RUNX2: variants seen among roughly 807,000 people sequenced by gnomAD.
The protein encoded by RUNX2 is RUNX family transcription factor 2, also known as runt-related transcription factor 2.
A neutral mutation model predicts 51.7 loss-of-function variants in RUNX2; 10 were observed. That is an observed-to-expected ratio of 0.19 (90% CI 0.12 to 0.33). The LOEUF (loss-of-function observed/expected upper bound fraction) is 0.33. Ranked by LOEUF, RUNX2 falls within the 10% of genes least tolerant of loss-of-function variation. The pLI, the probability that RUNX2 is intolerant of heterozygous loss-of-function variation, is 1.00. For synonymous variants in RUNX2, 276 were observed against 273.6 expected (o/e 1.01, Z -0.09); for missense variants, 562 against 691.3 (o/e 0.81, Z 2.10).
intron 2 of RUNX2, among the ~76,000 whole-genome samples, chr6:45,394,552 G>A (rs151015415): frequency 6.6e-6 from 1 of 152,290 alleles, no homozygotes; most frequent in Admixed American, 6.5e-5. Flanking sequence ...AAGCACAGGA[G>A]CAGAGGAAGT....
chr6:45,357,303 G>A (rs901003601), intron 2 of RUNX2, among the ~76,000 whole-genome samples: 40 of 151,804 alleles, frequency 2.6e-4, no homozygotes, highest in Admixed American at 8.5e-4. Flanking sequence ...CACTGTGCCC[G>A]GTCAAGAATC....
intron 6 of RUNX2, among the ~76,000 whole-genome samples, chr6:45,500,583 A>G (rs1800775147): frequency 6.6e-6 from 1 of 152,180 alleles, no homozygotes; most frequent in African/African-American, 2.4e-5. Context: ...AACCTGACAG[A>G]TAGTTTTAGG....
At chr6:45,431,371 T>C (rs1798537451) in intron 3 of RUNX2, among the ~76,000 whole-genome samples, 2 of 152,204 alleles carry the variant, frequency 1.3e-5, no homozygotes, top group South Asian at 4.1e-4. Flanking sequence ...ATCTAGGCTC[T>C]ATGTAGTGAG....
intron 2 of RUNX2, among the ~76,000 whole-genome samples, chr6:45,334,766 A>T (rs1372518839): frequency 6.8e-6 from 1 of 148,146 alleles, no homozygotes. Flanking sequence ...ACCAGGAAAA[A>T]AATTGTAAAT....
At chr6:45,349,604 T>G (rs1485717685) in intron 2 of RUNX2, among the ~76,000 whole-genome samples, 1 of 152,212 alleles carries the variant, frequency 6.6e-6, no homozygotes, top group Non-Finnish European at 1.5e-5. Context: ...TAATGCACAC[T>G]AAGGTTTGGG....
intron 2 of RUNX2, among the ~76,000 whole-genome samples, chr6:45,345,428 T>C (rs552443829): frequency 6.6e-6 from 1 of 152,334 alleles, no homozygotes. Context: ...TTCCATTTTT[T>C]AATCCTTTAG....
chr6:45,404,863 A>G (rs1394708984), intron 2 of RUNX2, among the ~76,000 whole-genome samples: 3 of 152,264 alleles, frequency 2.0e-5, no homozygotes, highest in Non-Finnish European at 4.4e-5. Context: ...GCTATGAGTT[A>G]TAACTATACG....
intron 5 of RUNX2, among the ~76,000 whole-genome samples, chr6:45,470,690 G>A (rs1799773863): frequency 6.6e-6 from 1 of 152,114 alleles, no homozygotes; most frequent in Non-Finnish European, 1.5e-5. Flanking sequence ...TCTCTATGAG[G>A]TTTTCCCTTG....
chr6:45,493,772 G>GTA lies in RUNX2; in HGVS notation c.859+1667_859+1668dup, dbSNP rs529746739. 1.4e-3 allele frequency among the ~76,000 whole-genome samples: 211 copies of GTA among 151,508 alleles called. 1 individual carries two copies. Among genetic ancestry groups the GTA allele is most frequent in the Non-Finnish European group, 2.2e-3 (150 of 67,866 alleles). On this transcript the variant is annotated intron_variant, in intron 6 of 8. Transcript: ENST00000647337. ...TGTGTGTGTGTTTGTAGAAGCAAAT[G>GTA]TATATATATACACACATATATATGT...
At chr6:45,461,758 T>A (rs969944101) in intron 5 of RUNX2, among the ~76,000 whole-genome samples, 1 of 152,194 alleles carries the variant, frequency 6.6e-6, no homozygotes. Context: ...TACTATTTTT[T>A]TTTTTTGTTT....
chr6:45,343,156 C>G (rs535414969), intron 2 of RUNX2, among the ~76,000 whole-genome samples: 1 of 152,298 alleles, frequency 6.6e-6, no homozygotes, highest in Admixed American at 6.5e-5. Flanking sequence ...AGTCTAAACT[C>G]ATACTCATAG....
chr6:45,534,569 G>A (rs908262287), intron 7 of RUNX2, among the ~76,000 whole-genome samples: 5 of 152,300 alleles, frequency 3.3e-5, no homozygotes, highest in African/African-American at 1.2e-4. Flanking sequence ...GATAAAGAGG[G>A]CAAGCCAGGG....
At chr6:45,444,115 G>A (rs1582118354) in intron 5 of RUNX2, among the ~76,000 whole-genome samples, 1 of 152,142 alleles carries the variant, frequency 6.6e-6, no homozygotes, top group South Asian at 2.1e-4. Context: ...CTCCCAAAGT[G>A]CTGGGATTAC....
intron 2 of RUNX2, among the ~76,000 whole-genome samples, chr6:45,345,567 A>G (rs1268855077): frequency 2.0e-5 from 3 of 152,162 alleles, no homozygotes; most frequent in Non-Finnish European, 2.9e-5. Flanking sequence ...CATTTTTGGT[A>G]ACTAATTCTC....
At chr6:45,394,260 G>T (rs1156427390) in intron 2 of RUNX2, among the ~76,000 whole-genome samples, 1 of 152,046 alleles carries the variant, frequency 6.6e-6, no homozygotes, top group East Asian at 1.9e-4. Flanking sequence ...CTTACTCATT[G>T]TCATGAGGAA....
chr6:45,447,775 A>C (rs1426261084), intron 5 of RUNX2, among the ~76,000 whole-genome samples: 1 of 152,040 alleles, frequency 6.6e-6, no homozygotes, highest in Non-Finnish European at 1.5e-5. Flanking sequence ...TTTTAAGTTG[A>C]GTTTGCTTTT....
chr6:45,546,943 C>A lies in RUNX2; in HGVS notation c.1204C>A (p.Pro402Thr), dbSNP rs1802417971. ...CTATCCAGCCACCTTTACTTACACC[C>A]CGCCAGTCACCTCAGGCATGTCCCT... ...MHYPATFTYT[P>T]PVTSGMSLGM... is the part of the protein sequence containing the mutation. The change falls in exon 9 of 9, where the codon CCG (proline) becomes ACG (threonine). Residue 402 changes from proline (P) to threonine (T), a missense_variant. Around this residue, in one of 5 missense-constraint regions of RUNX2, gnomAD observed 304 missense variants for 353.2 expected, o/e 0.86. Transcript: ENST00000647337. The A allele has an allele frequency of 6.2e-7, 1 of 1,614,050 alleles. No homozygotes were observed. Among genetic ancestry groups the A allele is most frequent in the Admixed American group, 1.7e-5 (1 of 60,008 alleles).
rs559004013 is a variant in RUNX2 at position 45,517,822 on chromosome 6, T to C, written c.1021+5415T>C. Among the ~76,000 whole-genome samples the C allele has an allele frequency of 2.6e-5, 4 of 152,192 alleles. No individual in the cohort carries two copies. The East Asian group carries it at 5.8e-4, about 22-fold the overall frequency. ...TGCCAGTGGAAAAACCCCACCCCAT[T>C]TGAGTACTCAAGGTCTGTCAGGAGG... On this transcript the variant is annotated intron_variant, in intron 7 of 8. Transcript: ENST00000647337.
At chr6:45,429,781 G>A (rs1798487385) in intron 3 of RUNX2, among the ~76,000 whole-genome samples, 1 of 152,120 alleles carries the variant, frequency 6.6e-6, no homozygotes, top group African/African-American at 2.4e-5. Context: ...TCTTTATGGA[G>A]CTCTTTCATT....
Sources: allele counts gnomAD v4.1 joint callset (sites outside exome capture counted in the v4.1 genomes callset), GRCh38; gene constraint gnomAD v4.1.1; regional missense constraint gnomAD v4.1.1; transcripts MANE v1.5; gene names NCBI Gene and HGNC (gene_info 2026-07-23, HGNC 2026-07-21).